PAX5: variants seen among roughly 807,000 people sequenced by gnomAD.
The protein encoded by PAX5 is paired box protein Pax-5.
In PAX5, 9 loss-of-function variants were observed where a neutral mutation model predicts 43.7. The ratio of observed to expected loss-of-function variants is 0.21; its 90% CI spans 0.12 to 0.36. The LOEUF is 0.36. PAX5 is among the 10% of genes least tolerant of loss of function. The probability of loss-of-function intolerance (pLI) is 1.00; values close to 1 mark genes in which losing one functional copy is unlikely to be tolerated. For synonymous variants in PAX5, 228 were observed against 214.3 expected (o/e 1.06, Z -0.56); for missense variants, 383 against 532.7 (o/e 0.72, Z 2.77).
intron 6 of PAX5, among the ~76,000 whole-genome samples, chr9:36,940,622 C>T (rs1831971487): frequency 6.6e-6 from 1 of 151,972 alleles, no homozygotes; most frequent in Non-Finnish European, 1.5e-5. Context: ...AACAGGCCCT[C>T]TAGAAGTGGA....
Position 36,837,690 on chromosome 9 carries a change from C to CACCAAGCT in PAX5, c.*2869_*2870insAGCTTGGT, listed in dbSNP as rs1485363149. ...TGTGCATCCATGTGCGCTTGTGCTT[C>CACCAAGCT]CGCCTGGCAGCCCAGGAGTCAAGTG... is the stretch of plus-strand genomic sequence containing the variant. On this transcript the variant is annotated 3_prime_UTR_variant, in exon 10 of 10. Transcript: ENST00000358127. The CACCAAGCT allele has an allele frequency of 1.2e-4, 29 of 233,250 alleles. No individual in the cohort carries two copies. Among genetic ancestry groups the CACCAAGCT allele is most frequent in the African/African-American group, 6.0e-4 (27 of 45,350 alleles). The allele number at this position is 233,250 out of a possible 1,614,324, so 14.4% of individuals were successfully genotyped here.
chr9:36,859,798 G>A (rs1228183350), intron 8 of PAX5, among the ~76,000 whole-genome samples: 1 of 152,192 alleles, frequency 6.6e-6, no homozygotes, highest in Non-Finnish European at 1.5e-5. Flanking sequence ...ACTTTGGGAG[G>A]CCGAGGTAGG....
intron 7 of PAX5, among the ~76,000 whole-genome samples, chr9:36,910,715 G>A (rs1436571646): frequency 3.9e-5 from 6 of 152,154 alleles, no homozygotes; most frequent in Admixed American, 1.3e-4. Context: ...GGTAAATACC[G>A]CTGGAAGAGA....
intron 5 of PAX5, among the ~76,000 whole-genome samples, chr9:36,981,075 C>G (rs531016808): frequency 2.0e-5 from 3 of 152,188 alleles, no homozygotes; most frequent in Non-Finnish European, 2.9e-5. Context: ...GCTGTTCCCT[C>G]TCTCCGGAAA....
chr9:36,999,134 G>A (rs891978393), intron 5 of PAX5, among the ~76,000 whole-genome samples: 1 of 152,106 alleles, frequency 6.6e-6, no homozygotes, highest in Non-Finnish European at 1.5e-5. Flanking sequence ...CTAAATGTTC[G>A]AAAGCCTCCG....
At chr9:36,983,670 C>A (rs1836130658) in intron 5 of PAX5, among the ~76,000 whole-genome samples, 1 of 152,126 alleles carries the variant, frequency 6.6e-6, no homozygotes, top group Non-Finnish European at 1.5e-5. Flanking sequence ...GATGGGGTTT[C>A]ACCATGTTGC....
intron 7 of PAX5, among the ~76,000 whole-genome samples, chr9:36,901,729 C>T (rs1016555294): frequency 2.6e-5 from 4 of 152,208 alleles, no homozygotes; most frequent in Admixed American, 2.6e-4. Context: ...CCCCAGGGAG[C>T]TCCTGTCACC....
At chr9:36,951,318 C>T (rs550066001) in intron 6 of PAX5, among the ~76,000 whole-genome samples, 2 of 152,274 alleles carry the variant, frequency 1.3e-5, no homozygotes, top group Admixed American at 6.5e-5. Flanking sequence ...ACAAGAGGGG[C>T]ATTTTAGTCT....
At chr9:36,975,678 C>T (rs930293780) in intron 5 of PAX5, among the ~76,000 whole-genome samples, 3 of 152,200 alleles carry the variant, frequency 2.0e-5, no homozygotes, top group African/African-American at 7.2e-5. Flanking sequence ...AGCCACCACG[C>T]CCAGCCTTGA....
chr9:36,957,478 C>T (rs758093994), intron 6 of PAX5, among the ~76,000 whole-genome samples: 1 of 152,036 alleles, frequency 6.6e-6, no homozygotes, highest in Non-Finnish European at 1.5e-5. Context: ...GGTTGGCAAC[C>T]CTACAGAGGA....
intron 9 of PAX5, among the ~76,000 whole-genome samples, chr9:36,843,302 G>A (rs1237135949): frequency 2.0e-5 from 3 of 152,286 alleles, no homozygotes; most frequent in East Asian, 1.9e-4. Context: ...CTCAGGCCAC[G>A]CTGAAGACAC....
intron 7 of PAX5, among the ~76,000 whole-genome samples, chr9:36,922,519 G>T (rs1436828300): frequency 6.6e-6 from 1 of 152,188 alleles, no homozygotes; most frequent in Non-Finnish European, 1.5e-5. Flanking sequence ...GGGTCTCCCC[G>T]TCCTGGCCCA....
chr9:36,978,992 T>C (rs1273111084), intron 5 of PAX5, among the ~76,000 whole-genome samples: 1 of 152,224 alleles, frequency 6.6e-6, no homozygotes, highest in Non-Finnish European at 1.5e-5. Flanking sequence ...GAAGCTGAAA[T>C]GAACATCATG....
At chr9:36,971,246 C>T (rs929683293) in intron 5 of PAX5, among the ~76,000 whole-genome samples, 14 of 152,218 alleles carry the variant, frequency 9.2e-5, no homozygotes, top group Non-Finnish European at 1.3e-4. Flanking sequence ...ACTGAAAAGG[C>T]GCATGGTCTT....
chr9:36,997,916 C>T (rs1379387616), intron 5 of PAX5, among the ~76,000 whole-genome samples: 1 of 152,238 alleles, frequency 6.6e-6, no homozygotes, highest in Non-Finnish European at 1.5e-5. Context: ...AGACACAGTA[C>T]TGGCACAGAA....
At chr9:36,942,119 A>G (rs1002402195) in intron 6 of PAX5, among the ~76,000 whole-genome samples, 3 of 152,232 alleles carry the variant, frequency 2.0e-5, no homozygotes, top group Non-Finnish European at 4.4e-5. Context: ...CTGCGTGTCC[A>G]GGAGCCTGAC....
At chr9:37,020,440 A>G (rs1351779851) in intron 2 of PAX5, among the ~76,000 whole-genome samples, 196 bp downstream of exon 2, 1 of 152,158 alleles carries the variant, frequency 6.6e-6, no homozygotes, top group Non-Finnish European at 1.5e-5. Flanking sequence ...AAGTCACCCT[A>G]TTCCACATGT....
chr9:36,899,158 C>A (rs977321835), intron 7 of PAX5, among the ~76,000 whole-genome samples: 2 of 152,180 alleles, frequency 1.3e-5, no homozygotes, highest in South Asian at 4.1e-4. Flanking sequence ...CAAATGTTGC[C>A]GCAGAGTCCT....
At position 37,020,797 on chromosome 9, in the gene PAX5, A is replaced by G; in HGVS notation, c.51T>C (p.His17=). 1 of 1,614,110 alleles carries G rather than the reference A, an allele frequency of 6.2e-7. No individual in the cohort carries two copies. Among genetic ancestry groups the G allele is most frequent in the Non-Finnish European group, 8.5e-7 (1 of 1,180,014 alleles). The part of the protein sequence containing the change: ...YPTPRTSRTG[H]GGVNQLGGVF... ...CCCCCCCAAGCTGATTCACTCCTCC[A>G]TGTCCTGAAACAGATCAGAAACAAA... The change falls in exon 2 of 10, where the codon CAT becomes CAC. Residue 17 remains histidine (H), a synonymous_variant. Transcript: ENST00000358127.
Sources: gnomAD v4.1 joint callset for allele counts (sites outside exome capture counted in the v4.1 genomes callset) on GRCh38, gnomAD v4.1.1 for gene constraint, MANE v1.5 for transcripts, NCBI Gene and HGNC (gene_info 2026-07-23, HGNC 2026-07-21) for gene names.